Variants in RNASE4 observed in about 807,000 individuals in gnomAD.
The protein encoded by RNASE4 is ribonuclease 4.
For synonymous variants in RNASE4, 93 were observed against 71.4 expected, an observed-to-expected ratio of 1.30 and a Z score of -1.52; for missense variants, 194 against 192.8, an observed-to-expected ratio of 1.01 and a Z score of -0.04.
In RNASE4 at chr14:20,699,770, T is replaced by C. The variant is rs1251199941; in HGVS notation, c.399T>C (p.Ile133=). Residue 133 remains isoleucine, a synonymous_variant, in exon 2 of 2, where the codon ATT becomes ATC. Coordinates refer to ENST00000555835, the MANE Select transcript of RNASE4 (RefSeq NM_002937.5). ...TAGCGAGCACTAGACGTGTTGTCAT[T>C]GCCTGTGAGGGTAACCCACAGGTGC... The part of the protein sequence containing the change: ...RAIASTRRVV[I]ACEGNPQVPV... 3.7e-6 allele frequency: 6 copies of C among 1,612,300 alleles called. No individual in the cohort carries two copies. The highest frequency in any genetic ancestry group is 2.2e-5 in the East Asian group (1 of 44,900).
At chr14:20,691,217 AC>A (rs1264635951) in intron 1 of RNASE4, among the ~76,000 whole-genome samples, 4 of 152,172 alleles carry the variant, frequency 2.6e-5, no homozygotes, top group African/African-American at 9.7e-5. Flanking sequence ...CTGCCACCTA[AC>A]GACTCTTTTA....
chr14:20,693,787 C>A lies in RNASE4; in HGVS notation c.-17-5568C>A. ...CAACACATTTATTCATGGCAACAAGCGCAGCATCAAGGCCATCTGTGAAAA... is the reference window on the plus strand; with the variant it reads ...CAACACATTTATTCATGGCAACAAGAGCAGCATCAAGGCCATCTGTGAAAA... On this transcript the variant is annotated intron_variant, in intron 1 of 1. Transcript: ENST00000555835. 6.2e-7 allele frequency: 1 copy of A among 1,614,166 alleles called. No individual in the cohort carries two copies. The highest frequency in any genetic ancestry group is 8.5e-7 in the Non-Finnish European group (1 of 1,180,036).
chr14:20,685,599 A>C (rs972612848), intron 1 of RNASE4, among the ~76,000 whole-genome samples: 30 of 152,228 alleles, frequency 2.0e-4, no homozygotes, highest in Non-Finnish European at 1.0e-4. Context: ...ATACGCTTCA[A>C]TTCAAGCAAT....
At chr14:20,693,945 T>C in intron 1 of RNASE4, 3 of 1,614,080 alleles carry the variant, frequency 1.9e-6, no homozygotes, top group Non-Finnish European at 2.5e-6. Flanking sequence ...TCAGAAACGT[T>C]GTTGTTGCTT....
chr14:20,690,221 C>CAAAAAA (rs36091065), intron 1 of RNASE4, among the ~76,000 whole-genome samples: 88 of 67,978 alleles, frequency 1.3e-3, no homozygotes, highest in African/African-American at 2.4e-3. Flanking sequence ...GACTCCGTCT[C>CAAAAAA]AAAAAAAAAA....
chr14:20,699,399 C>T lies in RNASE4; in HGVS notation c.28C>T (p.Leu10Phe). Residue 10 changes from leucine (L) to phenylalanine (F), a missense_variant, in exon 2 of 2, where the codon CTT (leucine) becomes TTT (phenylalanine). Leu to Phe is a conservative substitution (Grantham distance 22). Transcript: ENST00000555835. MALQRTHSL[L>F]LLLLLTLLGL... ...GGCTCTGCAGAGGACCCATTCATTG[C>T]TTCTGCTTTTGCTGCTGACCCTGCT... 1 of 1,606,558 alleles carries T rather than the reference C, an allele frequency of 6.2e-7. No individual in the cohort carries two copies. Among genetic ancestry groups the T allele is most frequent in the Non-Finnish European group, 8.5e-7 (1 of 1,175,218 alleles).
chr14:20,692,483 G>C (rs532057509), intron 1 of RNASE4, among the ~76,000 whole-genome samples: 2 of 152,248 alleles, frequency 1.3e-5, no homozygotes, highest in African/African-American at 2.4e-5. Flanking sequence ...TCTGTGGCCT[G>C]TCCGCCTAAG....
chr14:20,691,837 C>A (rs1886767031), intron 1 of RNASE4, among the ~76,000 whole-genome samples: 1 of 152,200 alleles, frequency 6.6e-6, no homozygotes, highest in Admixed American at 6.5e-5. Flanking sequence ...CTTTGCTCAC[C>A]CAGTCACGTC....
intron 1 of RNASE4, among the ~76,000 whole-genome samples, chr14:20,686,188 C>A (rs1886418646): frequency 6.6e-6 from 1 of 152,142 alleles, no homozygotes; most frequent in Non-Finnish European, 1.5e-5. Flanking sequence ...TCAGAGGCCC[C>A]TCCCACTCTT....
At chr14:20,690,314 C>T (rs928401199) in intron 1 of RNASE4, among the ~76,000 whole-genome samples, 2 of 148,618 alleles carry the variant, frequency 1.3e-5, no homozygotes, top group African/African-American at 5.0e-5. Context: ...AGCTGACAGA[C>T]AGTTACGTGT....
At chr14:20,697,031 A>T (rs1157969352) in intron 1 of RNASE4, among the ~76,000 whole-genome samples, 2 of 152,184 alleles carry the variant, frequency 1.3e-5, no homozygotes, top group Non-Finnish European at 2.9e-5. Flanking sequence ...TGATGTGGAG[A>T]TCATTCAATT....
chr14:20,690,379 C>A (rs1348936745), intron 1 of RNASE4, among the ~76,000 whole-genome samples: 3 of 152,138 alleles, frequency 2.0e-5, no homozygotes, highest in Non-Finnish European at 4.4e-5. Flanking sequence ...TGAGGCTTTG[C>A]ACCCTTGGCT....
chr14:20,688,924 A>G, intron 1 of RNASE4: 2 of 940,560 alleles, frequency 2.1e-6, no homozygotes, highest in Non-Finnish European at 2.5e-6. Context: ...CCATCCATCC[A>G]TTTTAATGAA....
intron 1 of RNASE4, among the ~76,000 whole-genome samples, chr14:20,690,411 C>G (rs1045340445): frequency 3.3e-5 from 5 of 152,022 alleles, no homozygotes; most frequent in African/African-American, 1.2e-4. Context: ...ACTTTTACAC[C>G]ACAAACGATC....
rs567817404 is a variant in RNASE4, at chr14:20,699,822, C to G, written c.*7C>G. 14 of 1,611,272 alleles carry G rather than the reference C, an allele frequency of 8.7e-6. No homozygotes were observed. The African/African-American group carries it at 1.9e-4, about 21-fold the overall frequency. Reference sequence around the variant, plus strand: ...TGTGCACTTTGACGGTTAGATGCCACCATGTAGGGATTATCGCGAGTGGTT... The same window carrying G: ...TGTGCACTTTGACGGTTAGATGCCAGCATGTAGGGATTATCGCGAGTGGTT... On this transcript the variant is annotated 3_prime_UTR_variant, in exon 2 of 2. Coordinates refer to ENST00000555835, the MANE Select transcript of RNASE4 (RefSeq NM_002937.5).
At chr14:20,699,107 G>T (rs768595435) in intron 1 of RNASE4, 1 of 444,284 alleles carries the variant, frequency 2.3e-6, no homozygotes, top group Non-Finnish European at 4.1e-6. Context: ...CTGTGTCATT[G>T]TACTGGCCAC....
At chr14:20,699,071 T>G (rs899716210) in intron 1 of RNASE4, 2 of 292,836 alleles carry the variant, frequency 6.8e-6, no homozygotes, top group Non-Finnish European at 1.3e-5. Context: ...CACACAAACC[T>G]GGCAGCCACG....
At position 20,700,657 on chromosome 14, in the gene RNASE4, A is replaced by G. The variant is rs1887263418; in HGVS notation, c.*842A>G. 6.0e-6 allele frequency: 1 copy of G among 166,958 alleles called. No homozygotes were observed. The highest frequency in any genetic ancestry group is 1.5e-5 in the Non-Finnish European group (1 of 68,122). The allele number at this position is 166,958 out of a possible 1,614,324, so 10.3% of individuals were successfully genotyped here. ...TGACTTTTAAATTCTTGTTTAGTTT[A>G]TAAACATGCATGCACCTTAATAACC... is the stretch of plus-strand genomic sequence containing the variant. On this transcript the variant is annotated 3_prime_UTR_variant, in exon 2 of 2. Transcript: ENST00000555835.
At chr14:20,687,292 C>T (rs768214158) in intron 1 of RNASE4, among the ~76,000 whole-genome samples, 3 of 152,154 alleles carry the variant, frequency 2.0e-5, no homozygotes, top group East Asian at 1.9e-4. Flanking sequence ...TGTCTTTTTG[C>T]ATTGTGGGCA....
Sources: allele counts gnomAD v4.1 joint callset (sites outside exome capture counted in the v4.1 genomes callset), GRCh38; gene constraint gnomAD v4.1.1; transcripts MANE v1.5; gene names NCBI Gene and HGNC (gene_info 2026-07-23, HGNC 2026-07-21).